The following PTPN11 variants were observed in gnomAD, a reference collection of about 807,000 sequenced individuals.
PTPN11 encodes the protein protein tyrosine phosphatase non-receptor type 11.
Under a neutral mutation model 78.8 loss-of-function variants are expected in PTPN11, and 6 were observed. The ratio of observed to expected loss-of-function variants is 0.08; its 90% CI spans 0.04 to 0.15. The LOEUF (loss-of-function observed/expected upper bound fraction) is 0.15, where lower values mean the gene tolerates loss of function less well. Among genes scored for constraint, PTPN11 ranks in the 10% least tolerant of loss-of-function variants. The pLI, the probability that PTPN11 is intolerant of heterozygous loss-of-function variation, is 1.00. For missense variants in PTPN11, 386 were observed against 744.8 expected (o/e 0.52, Z 5.61); for synonymous variants, 221 against 263.5 (o/e 0.84, Z 1.56).
In PTPN11 at chr12:112,465,702, C is replaced by T. The variant is rs536750173; in HGVS notation, c.757-7242C>T. ...ATTTTTCTGCTTCTTGACTTACAAA[C>T]CCTACTTCTAGCCCCTTTCAGATAT... On this transcript the variant is annotated intron_variant, in intron 6 of 15. Coordinates refer to ENST00000351677, the MANE Select transcript of PTPN11 (RefSeq NM_002834.5). Among the ~76,000 whole-genome samples the T allele has an allele frequency of 2.0e-5, 3 of 152,286 alleles. No homozygotes were observed. In the South Asian group the frequency reaches 6.2e-4, roughly 32 times the overall value.
chr12:112,419,802 C>T (rs2037493219), intron 1 of PTPN11, among the ~76,000 whole-genome samples: 1 of 152,202 alleles, frequency 6.6e-6, no homozygotes, highest in South Asian at 2.1e-4. Flanking sequence ...CCTTAACAGT[C>T]AGGTCACTTT....
chr12:112,464,124 A>T (rs2038289956), intron 6 of PTPN11, among the ~76,000 whole-genome samples: 1 of 152,228 alleles, frequency 6.6e-6, no homozygotes, highest in Non-Finnish European at 1.5e-5. Context: ...AAAACAAACC[A>T]GAGCTCTAAA....
At chr12:112,474,219 G>A (rs932332906) in intron 7 of PTPN11, among the ~76,000 whole-genome samples, 1 of 152,064 alleles carries the variant, frequency 6.6e-6, no homozygotes, top group Non-Finnish European at 1.5e-5. Context: ...GCGTGGTGGT[G>A]GATGCCTGTA....
chr12:112,452,525 C>T (rs531460798), intron 3 of PTPN11, among the ~76,000 whole-genome samples: 5 of 151,750 alleles, frequency 3.3e-5, no homozygotes, highest in South Asian at 2.1e-4. Flanking sequence ...CACGTCCGGC[C>T]GACTTTTATT....
At chr12:112,428,543 G>A (rs1005586521) in intron 1 of PTPN11, among the ~76,000 whole-genome samples, 2 of 150,760 alleles carry the variant, frequency 1.3e-5, no homozygotes, top group African/African-American at 4.9e-5. Context: ...AACTCTAACT[G>A]CTCCTTGCTA....
intron 6 of PTPN11, among the ~76,000 whole-genome samples, chr12:112,465,671 C>A (rs371327529): frequency 6.6e-6 from 1 of 152,134 alleles, no homozygotes; most frequent in Admixed American, 6.6e-5. Context: ...CTTTTTCCTT[C>A]AGTAGATTTT....
intron 1 of PTPN11, 33 bp from the exon 2 acceptor site, chr12:112,446,243 T>C: frequency 6.2e-7 from 1 of 1,613,096 alleles, no homozygotes; most frequent in South Asian, 1.1e-5. Context: ...AGTGTCTTGT[T>C]TTTTTATTAC....
At chr12:112,480,607 C>T (rs2038581574) in intron 9 of PTPN11, among the ~76,000 whole-genome samples, 1 of 152,030 alleles carries the variant, frequency 6.6e-6, no homozygotes, top group South Asian at 2.1e-4. Flanking sequence ...TCAAGTGATC[C>T]ACCCGGCTTC....
chr12:112,429,437 T>G (rs2037675318), intron 1 of PTPN11, among the ~76,000 whole-genome samples: 1 of 151,706 alleles, frequency 6.6e-6, no homozygotes, highest in African/African-American at 2.4e-5. Context: ...TCTGGATGGA[T>G]GTAGGTGGTG....
intron 6 of PTPN11, among the ~76,000 whole-genome samples, chr12:112,465,824 A>G (rs1024822465): frequency 1.3e-5 from 2 of 152,222 alleles, no homozygotes; most frequent in Non-Finnish European, 2.9e-5. Context: ...TGTCAAGGAC[A>G]TGAACATGTG....
intron 6 of PTPN11, among the ~76,000 whole-genome samples, chr12:112,467,707 C>T (rs762438639): frequency 1.3e-5 from 2 of 152,134 alleles, no homozygotes; most frequent in African/African-American, 2.4e-5. Flanking sequence ...GTTGGCCAGG[C>T]TGGTCTCGGA....
At chr12:112,466,427 A>T (rs74237645) in intron 6 of PTPN11, among the ~76,000 whole-genome samples, 15,660 of 152,262 alleles carry the variant, frequency 0.1, 934 homozygotes, top group East Asian at 0.23. Flanking sequence ...GGCCAGGTGC[A>T]GTGGCTCATG....
At chr12:112,425,008 GTA>G (rs1318837088) in intron 1 of PTPN11, among the ~76,000 whole-genome samples, 1,356 of 116,454 alleles carry the variant, frequency 0.012, 35 homozygotes, top group African/African-American at 0.038. Flanking sequence ...GTGTGTGTGT[GTA>G]TGTAGAGATG....
chr12:112,447,834 T>G (rs575655338), intron 2 of PTPN11, among the ~76,000 whole-genome samples: 1 of 140,954 alleles, frequency 7.1e-6, no homozygotes, highest in Non-Finnish European at 1.5e-5. Context: ...AAAGTCTTGC[T>G]CTTTTTCCCA....
chr12:112,421,916 T>C (rs1031362575), intron 1 of PTPN11, among the ~76,000 whole-genome samples: 1 of 152,178 alleles, frequency 6.6e-6, no homozygotes, highest in Non-Finnish European at 1.5e-5. Flanking sequence ...GCATGAGCTA[T>C]TGCGTCCCGC....
In PTPN11 at chr12:112,450,337, C is replaced by T. The variant is rs2135861929; in HGVS notation, c.157C>T (p.His53Tyr). The T allele has an allele frequency of 6.2e-7, 1 of 1,611,840 alleles. No homozygotes were observed. Among genetic ancestry groups the T allele is most frequent in the Admixed American group, 1.7e-5 (1 of 59,980 alleles). Residue 53 changes from histidine (H) to tyrosine (Y), a missense_variant, in exon 3 of 16, where the codon CAC (histidine) becomes TAC (tyrosine). His to Tyr is a moderately conservative substitution (Grantham distance 83). This residue lies in a region of PTPN11 where 279 missense variants were observed against 503.3 expected (regional missense o/e 0.55). Coordinates refer to ENST00000351677, the MANE Select transcript of PTPN11 (RefSeq NM_002834.5). ...LSVRRNGAVTHIKIQNTGDYY... is the reference protein window; with the variant it reads ...LSVRRNGAVTYIKIQNTGDYY... Reference sequence around the variant, plus strand: ...TTTTAGAAGAAATGGAGCTGTCACCCACATCAAGATTCAGAACACTGGTGA... The same window carrying T: ...TTTTAGAAGAAATGGAGCTGTCACCTACATCAAGATTCAGAACACTGGTGA...
In PTPN11 at chr12:112,508,890, G is replaced by A. The variant is rs2038967806; in HGVS notation, c.*3098G>A. 2 of 152,120 alleles carry A rather than the reference G, an allele frequency of 1.3e-5. No individual in the cohort carries two copies. Among genetic ancestry groups the A allele is most frequent in the Non-Finnish European group, 2.9e-5 (2 of 68,028 alleles). 9.4% of individuals were successfully genotyped at this position (152,120 alleles called of 1,614,324 possible). A position where few individuals can be genotyped will look rare whatever the true frequency, so the allele number is the denominator to read the frequency against. On this transcript the variant is annotated 3_prime_UTR_variant, in exon 16 of 16. Transcript: ENST00000351677. ...CTTTAAAGAGCCAAGTTGCTTCGGG[G>A]AAACAGCCAGGAAAATGGTCAAGAT...
In PTPN11 at chr12:112,477,974, C is replaced by T. The variant is rs923052172; in HGVS notation, c.1051C>T (p.Arg351Ter). The change falls in exon 9 of 16, where the codon CGA becomes TGA. Residue 351 changes from arginine to a stop codon, truncating the protein, a stop_gained. Coordinates refer to ENST00000351677, the MANE Select transcript of PTPN11 (RefSeq NM_002834.5). LOFTEE classifies it high-confidence loss of function. ...FWRMVFQENS[R>*]VIVMTTKEVE... ...GCGGATGGTGTTCCAAGAAAACTCC[C>T]GAGTGATTGTCATGACAACGAAAGA... 1 of 1,614,030 alleles carries T rather than the reference C, an allele frequency of 6.2e-7. No homozygotes were observed. Among genetic ancestry groups the T allele is most frequent in the Non-Finnish European group, 8.5e-7 (1 of 1,180,002 alleles).
At chr12:112,471,117 AAC>A (rs1180010193) in intron 6 of PTPN11, among the ~76,000 whole-genome samples, 4 of 152,186 alleles carry the variant, frequency 2.6e-5, no homozygotes, top group African/African-American at 9.7e-5. Flanking sequence ...TGCATTTTGA[AAC>A]TGAGCGTCAA....
Sources: gnomAD v4.1 joint callset for allele counts (sites outside exome capture counted in the v4.1 genomes callset) on GRCh38, gnomAD v4.1.1 for gene constraint, gnomAD v4.1.1 regional missense constraint, MANE v1.5 for transcripts, NCBI Gene and HGNC (gene_info 2026-07-23, HGNC 2026-07-21) for gene names.